KLHL2: variants seen among roughly 807,000 people sequenced by gnomAD.
KLHL2 encodes kelch-like protein 2.
KLHL2 carries 15 observed loss-of-function variants against 75.8 expected under a neutral mutation model. The observed-to-expected ratio is 0.20, with a 90% CI of 0.13 to 0.30. KLHL2 has a LOEUF of 0.30. Among genes scored for constraint, KLHL2 ranks in the 10% least tolerant of loss-of-function variants. The pLI is 1.00. For synonymous variants in KLHL2, 214 were observed against 251.9 expected (o/e 0.85, Z 1.42); for missense variants, 381 against 741.0 (o/e 0.51, Z 5.64).
At chr4:165,273,023 T>C (rs948889382) in intron 5 of KLHL2, among the ~76,000 whole-genome samples, 2 of 152,202 alleles carry the variant, frequency 1.3e-5, no homozygotes, top group African/African-American at 4.8e-5. Flanking sequence ...TTGAGTTTCT[T>C]AGGTTTTAGG....
chr4:165,228,421 G>A (rs1279769261), intron 2 of KLHL2, among the ~76,000 whole-genome samples: 4 of 150,336 alleles, frequency 2.7e-5, no homozygotes, highest in African/African-American at 7.3e-5. Context: ...TTTAGTTTTC[G>A]GTATGTGTTT....
intron 8 of KLHL2, among the ~76,000 whole-genome samples, chr4:165,304,601 G>C (rs1274997597): frequency 6.6e-6 from 1 of 152,146 alleles, no homozygotes; most frequent in African/African-American, 2.4e-5. Context: ...TTGCCAGAGA[G>C]TGTCTGTGCA....
chr4:165,257,440 G>A (rs1051864268), intron 4 of KLHL2, among the ~76,000 whole-genome samples: 2 of 152,214 alleles, frequency 1.3e-5, no homozygotes, highest in South Asian at 2.1e-4. Context: ...CTTCCAGACT[G>A]TGTGGGTATG....
Position 165,273,502 on chromosome 4 carries a change from A to C in KLHL2, c.544+10143A>C, listed in dbSNP as rs191092944. Reference sequence around the variant, plus strand: ...ATCTTGAATTCCCATGTGTGGTGGGAAGGACCCAGTGGGAAGTAGTTGAAT... The same window carrying C: ...ATCTTGAATTCCCATGTGTGGTGGGCAGGACCCAGTGGGAAGTAGTTGAAT... On this transcript the variant is annotated intron_variant, in intron 5 of 14. Coordinates refer to ENST00000226725, the MANE Select transcript of KLHL2 (RefSeq NM_007246.4). Among the ~76,000 whole-genome samples, 27 of 152,216 alleles carry C rather than the reference A, an allele frequency of 1.8e-4. No individual in the cohort carries two copies. The East Asian group carries it at 3.9e-3, about 22-fold the overall frequency.
Position 165,297,673 on chromosome 4 carries a change from G to C in KLHL2, c.719G>C (p.Arg240Pro). ...DKDVRQEFMA[R>P]LMEHVRLPLL... ...GATGTGAGGCAAGAGTTTATGGCCCGACTGATGGAACATGTACGGTTACCT... is the reference window on the plus strand; with the variant it reads ...GATGTGAGGCAAGAGTTTATGGCCCCACTGATGGAACATGTACGGTTACCT... Residue 240 changes from arginine to proline, a missense_variant, in exon 7 of 15, where the codon CGA (arginine) becomes CCA (proline). Physicochemically the swap from Arg to Pro is moderately radical, Grantham distance 103. Transcript: ENST00000226725. 1 of 1,613,968 alleles carries C rather than the reference G, an allele frequency of 6.2e-7. No homozygotes were observed. The highest frequency in any genetic ancestry group is 8.5e-7 in the Non-Finnish European group (1 of 1,179,868).
intron 4 of KLHL2, among the ~76,000 whole-genome samples, chr4:165,241,647 G>A (rs73875268): frequency 0.074 from 11,314 of 152,068 alleles, 879 homozygotes; most frequent in African/African-American, 0.2. Flanking sequence ...AGTATCTTTG[G>A]GATTGCATGT....
chr4:165,263,460 G>A, intron 5 of KLHL2, 101 bp downstream of exon 5: 3 of 1,507,350 alleles, frequency 2.0e-6, no homozygotes, highest in Non-Finnish European at 2.7e-6. Context: ...TTCTGGATCT[G>A]GGCTTTATAA....
At chr4:165,289,931 A>G (rs1744383502) in intron 5 of KLHL2, among the ~76,000 whole-genome samples, 1 of 152,224 alleles carries the variant, frequency 6.6e-6, no homozygotes, top group Non-Finnish European at 1.5e-5. Context: ...TATACAGAAG[A>G]AACTTAACCC....
At chr4:165,286,217 G>A (rs1380423300) in intron 5 of KLHL2, among the ~76,000 whole-genome samples, 1 of 152,120 alleles carries the variant, frequency 6.6e-6, no homozygotes, top group African/African-American at 2.4e-5. Flanking sequence ...TTAATCTGAA[G>A]GTTTTAGAGG....
rs562624203 is a variant in KLHL2 at position 165,283,875 on chromosome 4, CA to C, written c.545-10481del. Among the ~76,000 whole-genome samples, 1,293 of 152,302 alleles carry C rather than the reference CA, an allele frequency of 8.5e-3. 10 individuals carry two copies. The highest frequency in any genetic ancestry group is 0.017 in the Middle Eastern group (5 of 294). ...CATCTGAAATCGAGGTGGAGGTTAC[CA>C]AACCTCAATTCTTGACTTCTGTGTA... On this transcript the variant is annotated intron_variant, in intron 5 of 14. Coordinates refer to ENST00000226725, the MANE Select transcript of KLHL2 (RefSeq NM_007246.4).
At chr4:165,209,907 AC>A (rs1737084405) in intron 1 of KLHL2, 1 of 853,254 alleles carries the variant, frequency 1.2e-6, no homozygotes, top group African/African-American at 1.7e-5. Flanking sequence ...TTTCCTTGCC[AC>A]CCCTTGGCCT....
At chr4:165,239,288 C>T (rs1432102715) in intron 4 of KLHL2, among the ~76,000 whole-genome samples, 5 of 148,144 alleles carry the variant, frequency 3.4e-5, no homozygotes, top group Non-Finnish European at 1.5e-5. Flanking sequence ...TTTTGATACC[C>T]GATCTTGGTC....
intron 6 of KLHL2, among the ~76,000 whole-genome samples, chr4:165,295,009 GCCTGCCTCCCTGACTCTCTCCCTC>G (rs1419580115): frequency 1.3e-5 from 2 of 152,096 alleles, no homozygotes; most frequent in Non-Finnish European, 2.9e-5. Flanking sequence ...CGTTCAGCCT[GCCTGCCTCCCTGACTCTCTCCCTC>G]CCTGCCTCCC....
intron 8 of KLHL2, 95 bp downstream of exon 8, chr4:165,299,751 T>C: frequency 1.7e-6 from 2 of 1,157,270 alleles, no homozygotes; most frequent in Non-Finnish European, 2.4e-6. Context: ...CGTGATTTAT[T>C]GTTTTAGTTT....
chr4:165,267,740 C>T (rs192152751), intron 5 of KLHL2, among the ~76,000 whole-genome samples: 10 of 152,168 alleles, frequency 6.6e-5, no homozygotes, highest in South Asian at 2.1e-4. Context: ...ATTTTTGCAT[C>T]GATGTTCATC....
chr4:165,289,785 A>G (rs1453371607), intron 5 of KLHL2, among the ~76,000 whole-genome samples: 2 of 152,176 alleles, frequency 1.3e-5, no homozygotes, highest in African/African-American at 2.4e-5. Context: ...CTGGTCAGTG[A>G]AGCAGAGACT....
chr4:165,234,613 A>ATTTTT (rs1186473633), intron 3 of KLHL2, among the ~76,000 whole-genome samples: 34 of 115,264 alleles, frequency 2.9e-4, no homozygotes, highest in Middle Eastern at 4.9e-3. Context: ...TTGAGTTGGA[A>ATTTTT]TTTTTTTTTT....
Position 165,310,543 on chromosome 4 carries a change from C to G in KLHL2, c.1040-10C>G. On this transcript the variant is annotated splice_polypyrimidine_tract_variant and intron_variant, in intron 9 of 14. Transcript: ENST00000226725. ...CATGTTGATCATTAAATGCTGTACTCCTTTTGCAGGCATGGTCTACATGGC... is the reference window on the plus strand; with the variant it reads ...CATGTTGATCATTAAATGCTGTACTGCTTTTGCAGGCATGGTCTACATGGC... 1 of 1,612,642 alleles carries G rather than the reference C, an allele frequency of 6.2e-7. No individual in the cohort carries two copies. Among genetic ancestry groups the G allele is most frequent in the Non-Finnish European group, 8.5e-7 (1 of 1,178,766 alleles).
chr4:165,243,625 G>A (rs1739996309), intron 4 of KLHL2, among the ~76,000 whole-genome samples: 1 of 152,374 alleles, frequency 6.6e-6, no homozygotes, highest in Non-Finnish European at 1.5e-5. Context: ...GTAATAAACA[G>A]ACTAAATGTT....
Sources: allele counts gnomAD v4.1 joint callset (sites outside exome capture counted in the v4.1 genomes callset), GRCh38; gene constraint gnomAD v4.1.1; transcripts MANE v1.5; gene names NCBI Gene and HGNC (gene_info 2026-07-23, HGNC 2026-07-21).